Variants in STAT5A observed in about 807,000 individuals in gnomAD.
STAT5A encodes epididymis secretory sperm binding protein.
In STAT5A, 26 loss-of-function variants were observed where a neutral mutation model predicts 100.2. That is an observed-to-expected ratio of 0.26 (90% CI 0.19 to 0.36). STAT5A has a LOEUF of 0.36. Among genes scored for constraint, STAT5A ranks in the 10% least tolerant of loss-of-function variants. The probability of loss-of-function intolerance (pLI) is 1.00; values close to 1 mark genes in which losing one functional copy is unlikely to be tolerated. For missense variants in STAT5A, 634 were observed against 1,027.5 expected (o/e 0.62, Z 5.24); for synonymous variants, 330 against 424.3 (o/e 0.78, Z 2.73).
intron 1 of STAT5A, 40 bp from the exon 2 acceptor site, chr17:42,289,362 C>G: frequency 3.2e-6 from 5 of 1,545,114 alleles, no homozygotes; most frequent in Non-Finnish European, 4.4e-6. Context: ...GTTCCTTGGC[C>G]TCTGCAGAGG....
chr17:42,305,586 C>T (rs1381009686), intron 11 of STAT5A, 24 bp from the exon 12 acceptor site: 1 of 1,610,930 alleles, frequency 6.2e-7, no homozygotes, highest in Admixed American at 1.7e-5. Context: ...GCCCCATCAA[C>T]TTGGGTTCCT....
chr17:42,289,030 C>T (rs72820902), intron 1 of STAT5A, among the ~76,000 whole-genome samples: 6,579 of 152,330 alleles, frequency 0.043, 217 homozygotes, highest in Non-Finnish European at 0.07. Context: ...GAAACCGGGC[C>T]CGAGGTGGGC....
chr17:42,300,572 G>A, intron 7 of STAT5A, 143 bp from the exon 8 acceptor site: 3 of 745,778 alleles, frequency 4.0e-6, no homozygotes, highest in Non-Finnish European at 6.6e-6. Flanking sequence ...AATTCTGGGA[G>A]GCAGGGAGCT....
In STAT5A at chr17:42,308,264, T is replaced by A; in HGVS notation, c.1993T>A (p.Tyr665Asn). ...SLADRLGDLS[Y>N]LIYVFPDRPK... is the part of the protein sequence containing the mutation. ...GGCTGACCGGCTGGGGGACCTGAGC[T>A]ATCTCATCTATGTGTTTCCTGACCG... The change falls in exon 16 of 19, where the codon TAT becomes AAT. Residue 665 changes from tyrosine to asparagine, a missense_variant. Transcript: ENST00000590949. The surrounding 1 kb of genome is among the most constrained non-coding windows in gnomAD (Gnocchi z 4.6). 6.2e-7 allele frequency: 1 copy of A among 1,614,234 alleles called. No individual in the cohort carries two copies. The highest frequency in any genetic ancestry group is 8.5e-7 in the Non-Finnish European group (1 of 1,180,036).
chr17:42,310,181 G>A (rs1029591112), intron 18 of STAT5A, among the ~76,000 whole-genome samples: 2 of 152,238 alleles, frequency 1.3e-5, no homozygotes, highest in Admixed American at 6.5e-5. Context: ...TGAACGGGGC[G>A]GTGCCTACCA....
rs201644743 is a variant in STAT5A, at chr17:42,304,446, C to T, written c.1257+17C>T. ...AGGAACATGGTGAGGACGGGGCCCA[C>T]CCTCGGAGGGCAGGTCTGCCCAGAG... is the stretch of plus-strand genomic sequence containing the variant. On this transcript the variant is annotated intron_variant, in intron 10 of 18. Coordinates refer to ENST00000590949, the MANE Select transcript of STAT5A (RefSeq NM_001288718.2). This position sits in a 1 kb window ranked among gnomAD's most constrained non-coding sequence, Gnocchi z 4.8. The T allele has an allele frequency of 3.7e-6, 6 of 1,614,200 alleles. No individual in the cohort carries two copies. Among genetic ancestry groups the T allele is most frequent in the Non-Finnish European group, 4.2e-6 (5 of 1,180,036 alleles).
Position 42,308,905 on chromosome 17 carries a change from A to T in STAT5A, c.2063-142A>T. On this transcript the variant is annotated intron_variant, in intron 16 of 18. Coordinates refer to ENST00000590949, the MANE Select transcript of STAT5A (RefSeq NM_001288718.2). The surrounding 1 kb of genome is among the most constrained non-coding windows in gnomAD (Gnocchi z 4.6). ...AGGCAGGATTCATCAGCTGGTGTTTATTGGGGGTCCTTGGGAAATCTCATC... is the reference window on the plus strand; with the variant it reads ...AGGCAGGATTCATCAGCTGGTGTTTTTTGGGGGTCCTTGGGAAATCTCATC... 1 of 1,032,014 alleles carries T rather than the reference A, an allele frequency of 9.7e-7. No individual in the cohort carries two copies. Among genetic ancestry groups the T allele is most frequent in the Non-Finnish European group, 1.5e-6 (1 of 675,526 alleles). 63.9% of individuals were successfully genotyped at this position (1,032,014 alleles called of 1,614,324 possible). A position where few individuals can be genotyped will look rare whatever the true frequency, so the allele number is the denominator to read the frequency against.
intron 12 of STAT5A, 198 bp from the exon 13 acceptor site, chr17:42,306,043 G>T: frequency 1.1e-6 from 1 of 900,170 alleles, no homozygotes; most frequent in Non-Finnish European, 1.7e-6. Flanking sequence ...CCCCTGCATC[G>T]GTTTTCTTCC....
chr17:42,299,589 G>A (rs910259979), intron 5 of STAT5A, among the ~76,000 whole-genome samples, 162 bp from the exon 6 acceptor site: 1 of 152,212 alleles, frequency 6.6e-6, no homozygotes, highest in Non-Finnish European at 1.5e-5. Context: ...CTCCTGAGGC[G>A]CCATTCATCT....
chr17:42,288,093 T>TCGCC (rs1163629469), upstream of STAT5A: 1 of 152,194 alleles, frequency 6.6e-6, no homozygotes, highest in Non-Finnish European at 1.5e-5. The surrounding 1 kb of genome is among the most constrained non-coding windows in gnomAD (Gnocchi z 4.8). Flanking sequence ...CTGGAAGGCG[T>TCGCC]CGCCAATTGG....
chr17:42,295,967 A>G (rs547655463), intron 5 of STAT5A, among the ~76,000 whole-genome samples, 174 bp downstream of exon 5: 2 of 152,282 alleles, frequency 1.3e-5, no homozygotes, highest in African/African-American at 4.8e-5. Flanking sequence ...CTTGGCACAC[A>G]TTATTTAATT....
At chr17:42,307,871 C>G in intron 15 of STAT5A, 148 bp downstream of exon 15, 1 of 1,255,634 alleles carries the variant, frequency 8.0e-7, no homozygotes, top group Non-Finnish European at 1.1e-6. Flanking sequence ...GAAATGTATT[C>G]TCTTTCTATT....
intron 1 of STAT5A, 41 bp from the exon 2 acceptor site, chr17:42,289,361 C>A (rs2080846307): frequency 1.3e-6 from 2 of 1,543,404 alleles, no homozygotes; most frequent in South Asian, 1.2e-5. Context: ...GGTTCCTTGG[C>A]CTCTGCAGAG....
At chr17:42,299,142 G>A (rs925237703) in intron 5 of STAT5A, among the ~76,000 whole-genome samples, 4 of 152,140 alleles carry the variant, frequency 2.6e-5, no homozygotes, top group South Asian at 2.1e-4. Context: ...GCCTTGCTGC[G>A]GGAGGGATGG....
At chr17:42,291,515 G>A (rs542613292) in intron 3 of STAT5A, among the ~76,000 whole-genome samples, 1 of 152,002 alleles carries the variant, frequency 6.6e-6, no homozygotes, top group Non-Finnish European at 1.5e-5. Context: ...TCGGGAGTTC[G>A]AGACCAGCCT....
rs535172904 is a variant in STAT5A, at chr17:42,308,957, G to A, written c.2063-90G>A. The A allele has an allele frequency of 8.5e-5, 130 of 1,522,132 alleles. 2 individuals carry two copies. Among genetic ancestry groups the A allele is most frequent in the South Asian group, 6.9e-4 (61 of 88,402 alleles). 94.3% of individuals were successfully genotyped at this position (1,522,132 alleles called of 1,614,324 possible). Reference sequence around the variant, plus strand: ...CAGCTGAGAACACAAGGTGATGTGAGCAGGAGGGAGACTACATGGGGCGTG... The same window carrying A: ...CAGCTGAGAACACAAGGTGATGTGAACAGGAGGGAGACTACATGGGGCGTG... On this transcript the variant is annotated intron_variant, in intron 16 of 18. Transcript: ENST00000590949. The surrounding 1 kb of genome is among the most constrained non-coding windows in gnomAD (Gnocchi z 4.6).
At chr17:42,298,023 G>A (rs1298991894) in intron 5 of STAT5A, among the ~76,000 whole-genome samples, 1 of 151,582 alleles carries the variant, frequency 6.6e-6, no homozygotes, top group Non-Finnish European at 1.5e-5. Flanking sequence ...CCAGTGTGGT[G>A]GAGACGGGCT....
rs759784178 is a variant in STAT5A, at chr17:42,295,665, A to C, written c.422A>C (p.His141Pro). The C allele has an allele frequency of 7.4e-6, 12 of 1,613,952 alleles. No homozygotes were observed. The South Asian group carries it at 1.2e-4, about 16-fold the overall frequency. ...GILVDAMSQK[H>P]LQINQTFEEL... Reference sequence around the variant, plus strand: ...CTGGTTGACGCCATGTCCCAGAAGCACCTTCAGATCAACCAGACATTTGAG... The same window carrying C: ...CTGGTTGACGCCATGTCCCAGAAGCCCCTTCAGATCAACCAGACATTTGAG... The change falls in exon 5 of 19, where the codon CAC becomes CCC. Residue 141 changes from histidine to proline, a missense_variant. His to Pro is a moderately conservative substitution (Grantham distance 77, BLOSUM62 -2). Transcript: ENST00000590949.
In STAT5A at chr17:42,291,985, G is replaced by A. The variant is rs1250537354; in HGVS notation, c.299G>A (p.Arg100His). 3 of 1,613,660 alleles carry A rather than the reference G, an allele frequency of 1.9e-6. No homozygotes were observed. Among genetic ancestry groups the A allele is most frequent in the African/African-American group, 1.3e-5 (1 of 74,878 alleles). The change falls in exon 4 of 19, where the codon CGC becomes CAC. Residue 100 changes from arginine to histidine, a missense_variant. Arg to His is a conservative substitution (Grantham distance 29). Transcript: ENST00000590949. The stretch of plus-strand genomic sequence containing the variant: ...GGATTCTTTCAGAAAACATATGACC[G>A]CTGCCCCCTGGAGCTGGTCCGCTGC... Reference protein sequence around the residue: ...YATQLQKTYDRCPLELVRCIR... With the variant: ...YATQLQKTYDHCPLELVRCIR...
Sources: allele counts gnomAD v4.1 joint callset (sites outside exome capture counted in the v4.1 genomes callset), GRCh38; gene constraint gnomAD v4.1.1; non-coding constraint Gnocchi (gnomAD v3.1); transcripts MANE v1.5; gene names NCBI Gene and HGNC (gene_info 2026-07-23, HGNC 2026-07-21).